Variants in NLRC4 observed in about 807,000 individuals in gnomAD.
NLRC4 encodes the protein NLR family CARD domain containing 4.
NLRC4 carries 63 observed loss-of-function variants against 79.9 expected under a neutral mutation model. The observed-to-expected ratio is 0.79, with a 90% confidence interval of 0.64 to 0.97. The LOEUF (loss-of-function observed/expected upper bound fraction) is 0.97, where lower values mean the gene tolerates loss of function less well. Among genes scored for constraint, NLRC4 ranks in the 50% least tolerant of loss-of-function variants. NLRC4 has a pLI of 0.00. For synonymous variants in NLRC4, 461 were observed against 456.5 expected (o/e 1.01, Z -0.12); for missense variants, 1,074 against 1,215.2 (o/e 0.88, Z 1.73).
chr2:32,241,710 T>G (rs912620305), intron 4 of NLRC4, among the ~76,000 whole-genome samples: 13 of 151,952 alleles, frequency 8.6e-5, no homozygotes, highest in African/African-American at 2.7e-4. Context: ...ACTTGGAAAT[T>G]AAACAACACA....
intron 8 of NLRC4, among the ~76,000 whole-genome samples, chr2:32,229,220 G>A (rs1446945202): frequency 2.6e-5 from 4 of 151,538 alleles, no homozygotes; most frequent in African/African-American, 9.7e-5. Context: ...ACTTGAGGTC[G>A]GGAGTTTGAG....
chr2:32,257,213 G>A (rs1687227215), intron 1 of NLRC4, among the ~76,000 whole-genome samples: 1 of 152,244 alleles, frequency 6.6e-6, no homozygotes, highest in Non-Finnish European at 1.5e-5. Flanking sequence ...GAATGGTGCA[G>A]AGGGTACGTT....
chr2:32,241,809 A>G (rs1027512646), intron 4 of NLRC4, among the ~76,000 whole-genome samples: 4 of 152,144 alleles, frequency 2.6e-5, no homozygotes, highest in Non-Finnish European at 4.4e-5. Context: ...AAACTTCAAA[A>G]TCTGCAGCTC....
At chr2:32,238,111 G>A (rs1686713080) in intron 6 of NLRC4, 21 bp downstream of exon 6, 1 of 1,598,094 alleles carries the variant, frequency 6.3e-7, no homozygotes, top group African/African-American at 1.3e-5. Flanking sequence ...TCCTCATTCA[G>A]TTAATGGAAG....
At position 32,233,320 on chromosome 2, in the gene NLRC4, AATATAT is replaced by A. The variant is rs1257781417; in HGVS notation, c.2782+2075_2782+2080del. Among the ~76,000 whole-genome samples, 501 of 67,192 alleles carry A rather than the reference AATATAT, an allele frequency of 7.5e-3. 12 individuals carry two copies. The highest frequency in any genetic ancestry group is 0.027 in the African/African-American group (393 of 14,670). The allele number at this position is 67,192 out of a possible 152,430, so 44.1% of individuals were successfully genotyped here. The stretch of plus-strand genomic sequence containing the variant: ...TTTTCATTTGTCTTAAGAAATTTTA[AATATAT>A]ATATATATATATATATATATATATT... On this transcript the variant is annotated intron_variant, in intron 8 of 8. Coordinates refer to ENST00000402280, the MANE Select transcript of NLRC4 (RefSeq NM_001199138.2).
In NLRC4 at chr2:32,252,300, A is replaced by G. The variant is rs1156551226; in HGVS notation, c.262+119T>C. 3 of 742,368 alleles carry G rather than the reference A, an allele frequency of 4.0e-6. No individual in the cohort carries two copies. In the African/African-American group the frequency reaches 5.3e-5, roughly 13 times the overall value. 46.0% of individuals were successfully genotyped at this position (742,368 alleles called of 1,614,324 possible). A position where few individuals can be genotyped will look rare whatever the true frequency, so the allele number is the denominator to read the frequency against. On this transcript the variant is annotated intron_variant, in intron 3 of 8. Transcript: ENST00000402280. Reference sequence around the variant, plus strand: ...TAAGCTTTTCCTTAGCAGGTATCAAAGGCCACTGCCAGGTGATATGAAGAG... The same window carrying G: ...TAAGCTTTTCCTTAGCAGGTATCAAGGGCCACTGCCAGGTGATATGAAGAG...
At chr2:32,247,646 A>C (rs1388387695) in intron 4 of NLRC4, among the ~76,000 whole-genome samples, 1 of 152,048 alleles carries the variant, frequency 6.6e-6, no homozygotes, top group Non-Finnish European at 1.5e-5. Context: ...ATATTTAAAC[A>C]CATACATATA....
Position 32,238,311 on chromosome 2 carries a change from T to G in NLRC4, c.2351-9A>C, listed in dbSNP as rs1170848768. On this transcript the variant is annotated splice_polypyrimidine_tract_variant and intron_variant, in intron 5 of 8. Transcript: ENST00000402280. ...GTTTTTCAGGCCTTCAGCTGAAAAATGATAGAAAGGAATGCATTAGGATAC... is the reference window on the plus strand; with the variant it reads ...GTTTTTCAGGCCTTCAGCTGAAAAAGGATAGAAAGGAATGCATTAGGATAC... 1.2e-6 allele frequency: 2 copies of G among 1,606,294 alleles called. No individual in the cohort carries two copies. Among genetic ancestry groups the G allele is most frequent in the Admixed American group, 3.4e-5 (2 of 58,470 alleles).
At chr2:32,259,845 C>A (rs1687297320) in intron 1 of NLRC4, among the ~76,000 whole-genome samples, 1 of 150,460 alleles carries the variant, frequency 6.6e-6, no homozygotes, top group African/African-American at 2.5e-5. Flanking sequence ...TCATTCCACA[C>A]AATGTCTGTG....
At chr2:32,232,347 C>T (rs1328055096) in intron 8 of NLRC4, among the ~76,000 whole-genome samples, 1 of 152,148 alleles carries the variant, frequency 6.6e-6, no homozygotes, top group Non-Finnish European at 1.5e-5. Flanking sequence ...GTATTTATCT[C>T]CCAAATTTTG....
intron 7 of NLRC4, 37 bp from the exon 8 acceptor site, chr2:32,235,605 T>A (rs370730307): frequency 6.3e-7 from 1 of 1,575,846 alleles, no homozygotes; most frequent in Non-Finnish European, 8.7e-7. Context: ...GACTGGATGG[T>A]CTCAAAACTG....
chr2:32,229,046 A>G (rs1445386830), intron 8 of NLRC4, among the ~76,000 whole-genome samples: 1 of 151,796 alleles, frequency 6.6e-6, no homozygotes, highest in Non-Finnish European at 1.5e-5. Context: ...GATTACAGGC[A>G]TGAGCTCTCT....
At chr2:32,259,729 T>A (rs1462832292) in intron 1 of NLRC4, among the ~76,000 whole-genome samples, 1 of 152,122 alleles carries the variant, frequency 6.6e-6, no homozygotes, top group Non-Finnish European at 1.5e-5. Context: ...AAATTCCATC[T>A]CTGCCACACC....
chr2:32,265,578 C>G (rs1246906749), upstream of NLRC4: 1 of 152,374 alleles, frequency 6.6e-6, no homozygotes, highest in Non-Finnish European at 1.5e-5. Flanking sequence ...CATTCAAGGT[C>G]ATGCTTACCC....
chr2:32,233,267 CCATAGGTTTCAGTATGT>C (rs1431313309), intron 8 of NLRC4, among the ~76,000 whole-genome samples: 2 of 139,006 alleles, frequency 1.4e-5, no homozygotes, highest in Non-Finnish European at 3.1e-5. Context: ...TCACTGTATC[CCATAGGTTTCAGTATGT>C]TGTGTTTCCA....
chr2:32,224,913 A>G, intron 8 of NLRC4, 148 bp from the exon 9 acceptor site: 1 of 551,672 alleles, frequency 1.8e-6, no homozygotes, highest in Non-Finnish European at 3.1e-6. Flanking sequence ...GAAATTATTA[A>G]TATAATTCTC....
At chr2:32,245,293 A>G (rs1400802775) in intron 4 of NLRC4, among the ~76,000 whole-genome samples, 1 of 142,012 alleles carries the variant, frequency 7.0e-6, no homozygotes, top group Non-Finnish European at 1.5e-5. Context: ...CCTGGGCGAC[A>G]GAGTGAGACT....
chr2:32,252,108 C>G (rs1043243694), intron 3 of NLRC4, among the ~76,000 whole-genome samples: 2 of 152,194 alleles, frequency 1.3e-5, no homozygotes, highest in African/African-American at 4.8e-5. Context: ...TCTCATCCAA[C>G]CAGGGAATGC....
intron 3 of NLRC4, among the ~76,000 whole-genome samples, chr2:32,251,868 T>G (rs1687086787): frequency 6.6e-6 from 1 of 152,164 alleles, no homozygotes; most frequent in South Asian, 2.1e-4. Flanking sequence ...AGCTTGTTTT[T>G]GGGTTAAGGA....
Sources: allele counts gnomAD v4.1 joint callset (sites outside exome capture counted in the v4.1 genomes callset), GRCh38; gene constraint gnomAD v4.1.1; transcripts MANE v1.5; gene names NCBI Gene and HGNC (gene_info 2026-07-23, HGNC 2026-07-21).